The following XRCC1 variants were observed in gnomAD, a reference collection of about 807,000 sequenced individuals.
XRCC1 encodes DNA repair protein XRCC1.
In XRCC1, 52 loss-of-function variants were observed where a neutral mutation model predicts 83.3. That is an observed-to-expected ratio of 0.62 (90% CI 0.50 to 0.79). The LOEUF is 0.79. Among genes scored for constraint, XRCC1 ranks in the 30% least tolerant of loss-of-function variants. The probability of loss-of-function intolerance (pLI) is 0.00; values close to 1 mark genes in which losing one functional copy is unlikely to be tolerated. For synonymous variants in XRCC1, 281 were observed against 312.6 expected (o/e 0.90, Z 1.07); for missense variants, 793 against 823.5 (o/e 0.96, Z 0.45).
At chr19:43,572,832 G>A (rs1009219015) in intron 2 of XRCC1, among the ~76,000 whole-genome samples, 3 of 151,472 alleles carry the variant, frequency 2.0e-5, no homozygotes, top group African/African-American at 7.3e-5. Flanking sequence ...AGTAACAAAG[G>A]AGTCCCTAAT....
intron 1 of XRCC1, 21 bp from the exon 2 acceptor site, chr19:43,575,023 G>C (rs1568520504): frequency 6.3e-7 from 1 of 1,587,238 alleles, no homozygotes; most frequent in Admixed American, 1.7e-5. Context: ...CAGTGGGAGA[G>C]GAGAATTAGG....
intron 2 of XRCC1, among the ~76,000 whole-genome samples, chr19:43,563,820 T>G (rs773058333): frequency 6.6e-6 from 1 of 152,242 alleles, no homozygotes; most frequent in Non-Finnish European, 1.5e-5. Context: ...TTCTTCATGA[T>G]TACTGCCTGG....
intron 16 of XRCC1, 25 bp from the exon 17 acceptor site, chr19:43,543,530 C>A (rs749106716): frequency 6.2e-6 from 10 of 1,613,176 alleles, no homozygotes; most frequent in African/African-American, 5.4e-5. Flanking sequence ...GGAGTCCATA[C>A]GGGAATGTGT....
intron 3 of XRCC1, among the ~76,000 whole-genome samples, chr19:43,556,249 G>A (rs981874393): frequency 6.6e-6 from 1 of 152,114 alleles, no homozygotes; most frequent in Admixed American, 6.5e-5. Context: ...GAAAACCTAG[G>A]CTCCAAGCAA....
chr19:43,561,113 C>A (rs1034248865), intron 2 of XRCC1, 93 bp from the exon 3 acceptor site: 2 of 1,001,586 alleles, frequency 2.0e-6, no homozygotes, highest in Non-Finnish European at 3.2e-6. Flanking sequence ...ATCACCATGT[C>A]CCTGTAATGT....
chr19:43,573,976 T>C (rs1972829669), intron 2 of XRCC1, among the ~76,000 whole-genome samples: 1 of 152,220 alleles, frequency 6.6e-6, no homozygotes, highest in Admixed American at 6.5e-5. Context: ...AGCCTGCCTC[T>C]TGGGGTTTTT....
chr19:43,558,842 T>TC lies in XRCC1; in HGVS notation c.255+2067dup, dbSNP rs556597326. 3.5e-4 allele frequency among the ~76,000 whole-genome samples: 53 copies of TC among 151,804 alleles called. 1 individual carries two copies. The South Asian group carries it at 0.01, about 30-fold the overall frequency. On this transcript the variant is annotated intron_variant, in intron 3 of 16. Coordinates refer to ENST00000262887, the MANE Select transcript of XRCC1 (RefSeq NM_006297.3). ...GAAAAGGCAAGTCTTTTTTTTTTTT[T>TC]CAAAGTATTTTCAGCCAGGTGCAGT...
rs540343307 is a variant in XRCC1 at position 43,552,407 on chromosome 19, C to T, written c.824-132G>A. 206 of 699,168 alleles carry T rather than the reference C, an allele frequency of 2.9e-4. No homozygotes were observed. The African/African-American group carries it at 3.4e-3, about 11-fold the overall frequency. 43.3% of individuals were successfully genotyped at this position (699,168 alleles called of 1,614,324 possible). ...CCAGCAATCCAGGCCCCAGCCCCTC[C>T]CCCCTCAGACCCAGGGGTCCAGGCC... is the stretch of plus-strand genomic sequence containing the variant. On this transcript the variant is annotated intron_variant, in intron 8 of 16. Transcript: ENST00000262887.
At chr19:43,575,128 TC>T in intron 1 of XRCC1, 126 bp from the exon 2 acceptor site, 1 of 829,484 alleles carries the variant, frequency 1.2e-6, no homozygotes, top group East Asian at 2.7e-5. Context: ...CTCCCGTTAA[TC>T]CCCCGACACT....
chr19:43,552,148 C>T lies in XRCC1; in HGVS notation c.951G>A (p.Gly317=), dbSNP rs1488892943. 1.2e-6 allele frequency: 2 copies of T among 1,613,978 alleles called. No individual in the cohort carries two copies. Among genetic ancestry groups the T allele is most frequent in the Admixed American group, 1.7e-5 (1 of 59,980 alleles). Residue 317 remains glycine (G), a synonymous_variant, in exon 9 of 17, where the codon GGG becomes GGA. Transcript: ENST00000262887. Reference sequence around the variant, plus strand: ...CCACTACCACACCCTGAAGGATCTTCCCCAGCTCCTCTGGGCCAGCTCGGG... The same window carrying T: ...CCACTACCACACCCTGAAGGATCTTTCCCAGCTCCTCTGGGCCAGCTCGGG... ...RRPRAGPEEL[G]KILQGVVVVL...
intron 2 of XRCC1, among the ~76,000 whole-genome samples, chr19:43,573,552 CAG>C (rs1037900826): frequency 7.2e-5 from 11 of 152,278 alleles, no homozygotes; most frequent in African/African-American, 2.2e-4. Context: ...GCACTATCCA[CAG>C]AGTGTTCTGC....
At chr19:43,562,639 G>C (rs946329785) in intron 2 of XRCC1, among the ~76,000 whole-genome samples, 1 of 152,170 alleles carries the variant, frequency 6.6e-6, no homozygotes, top group African/African-American at 2.4e-5. Flanking sequence ...AGCTACTCAG[G>C]AGGCTGAGGA....
intron 2 of XRCC1, among the ~76,000 whole-genome samples, chr19:43,566,920 A>G (rs1162937350): frequency 6.6e-6 from 1 of 152,052 alleles, no homozygotes; most frequent in African/African-American, 2.4e-5. Flanking sequence ...CATGGTAACA[A>G]CCCAATAAAT....
In XRCC1 at chr19:43,552,195, C is replaced by T. The variant is rs1426885095; in HGVS notation, c.904G>A (p.Glu302Lys). 8.1e-6 allele frequency: 13 copies of T among 1,614,018 alleles called. No homozygotes were observed. The highest frequency in any genetic ancestry group is 1.0e-5 in the Non-Finnish European group (12 of 1,179,962). ...QGAVTGKPRG[E>K]GTEPRRPRAG... ...CGGGGTCGTCTGGGCTCGGTGCCTT[C>T]TCCTCGGGGTTTGCCTGTCACTGCC... The change falls in exon 9 of 17, where the codon GAA becomes AAA. Residue 302 changes from glutamate to lysine, a missense_variant. By Grantham distance (56) the Glu-to-Lys change is moderately conservative. Transcript: ENST00000262887.
intron 14 of XRCC1, 119 bp from the exon 15 acceptor site, chr19:43,544,353 T>C (rs2146040538): frequency 2.4e-6 from 2 of 847,108 alleles, no homozygotes; most frequent in South Asian, 3.4e-5. Flanking sequence ...TGGGCAGGGA[T>C]TGATGGCAGG....
intron 12 of XRCC1, 96 bp from the exon 13 acceptor site, chr19:43,546,202 C>G (rs1319975872): frequency 2.2e-6 from 3 of 1,394,178 alleles, no homozygotes; most frequent in Admixed American, 1.7e-5. Flanking sequence ...TCTCATGCCC[C>G]CAGCCTCAAC....
chr19:43,549,479 TCA>T (rs1356887666), intron 10 of XRCC1, among the ~76,000 whole-genome samples: 5 of 152,198 alleles, frequency 3.3e-5, no homozygotes, highest in Admixed American at 3.3e-4. Context: ...CAGGCTGGTC[TCA>T]AACTCCTGAT....
At chr19:43,564,466 G>A (rs1160435378) in intron 2 of XRCC1, among the ~76,000 whole-genome samples, 2 of 152,142 alleles carry the variant, frequency 1.3e-5, no homozygotes, top group Non-Finnish European at 2.9e-5. Context: ...TGTTACTGTT[G>A]TACAAATTAG....
chr19:43,554,674 T>C lies in XRCC1; in HGVS notation c.386A>G (p.Lys129Arg), dbSNP rs1337235976. 6.2e-7 allele frequency: 1 copy of C among 1,613,216 alleles called. No homozygotes were observed. The highest frequency in any genetic ancestry group is 2.2e-5 in the East Asian group (1 of 44,838). The change falls in exon 4 of 17, where the codon AAA (lysine) becomes AGA (arginine). Residue 129 changes from lysine to arginine, a missense_variant. Transcript: ENST00000262887. ...GCTGTAGGGCTGGCTGCAAACAATTTTGACCCGGTCCCAGCGCTTCTCGGC... is the reference window on the plus strand; with the variant it reads ...GCTGTAGGGCTGGCTGCAAACAATTCTGACCCGGTCCCAGCGCTTCTCGGC... ...AAAEKRWDRV[K>R]IVCSQPYSKD...
Sources: allele counts gnomAD v4.1 joint callset (sites outside exome capture counted in the v4.1 genomes callset), GRCh38; gene constraint gnomAD v4.1.1; transcripts MANE v1.5; gene names NCBI Gene and HGNC (gene_info 2026-07-23, HGNC 2026-07-21).